AQP9: variants seen among roughly 807,000 people sequenced by gnomAD.
AQP9 encodes the protein aquaporin 9.
AQP9 carries 19 observed loss-of-function variants against 23.8 expected under a neutral mutation model. The observed-to-expected ratio is 0.80, with a 90% CI of 0.56 to 1.17. The LOEUF (loss-of-function observed/expected upper bound fraction) is 1.17. Ranked by LOEUF, AQP9 falls within the 50% of genes most tolerant of loss-of-function variation. AQP9 has a pLI of 0.00. For missense variants in AQP9, 413 were observed against 362.0 expected, an observed-to-expected ratio of 1.14 and a Z score of -1.14; for synonymous variants, 153 against 131.5, an observed-to-expected ratio of 1.16 and a Z score of -1.12.
chr15:58,172,819 A>G (rs1453571296), intron 2 of AQP9, among the ~76,000 whole-genome samples: 1 of 152,246 alleles, frequency 6.6e-6, no homozygotes, highest in South Asian at 2.1e-4. Flanking sequence ...TTCTTTTTAT[A>G]CCTGACTCTC....
At chr15:58,142,140 A>T (rs1897962186) in intron 1 of AQP9, among the ~76,000 whole-genome samples, 2 of 152,096 alleles carry the variant, frequency 1.3e-5, no homozygotes, top group Non-Finnish European at 1.5e-5. Flanking sequence ...TCGCCCTTGG[A>T]CTTCCACTGT....
intron 1 of AQP9, among the ~76,000 whole-genome samples, chr15:58,148,378 C>T (rs1477679673): frequency 6.6e-6 from 1 of 152,186 alleles, no homozygotes; most frequent in Non-Finnish European, 1.5e-5. Flanking sequence ...CTCTACTTAA[C>T]CACAAACCCC....
chr15:58,155,257 C>T (rs997780998), intron 1 of AQP9: 2 of 152,276 alleles, frequency 1.3e-5, no homozygotes, highest in Admixed American at 6.5e-5. Flanking sequence ...ACACATTGGC[C>T]AAAGCTTATA....
chr15:58,169,699 T>C (rs1898579641), intron 2 of AQP9, among the ~76,000 whole-genome samples: 1 of 152,216 alleles, frequency 6.6e-6, no homozygotes, highest in Non-Finnish European at 1.5e-5. Flanking sequence ...AACATCACCT[T>C]ATTGTAAAGA....
chr15:58,170,206 C>G (rs1258110991), intron 2 of AQP9, among the ~76,000 whole-genome samples: 1 of 152,104 alleles, frequency 6.6e-6, no homozygotes, highest in East Asian at 1.9e-4. Context: ...TTCTAGCAGC[C>G]ACTTGGCCTC....
Position 58,166,762 on chromosome 15 carries a change from A to T in AQP9, c.201A>T (p.Ala67=). ...CTATCAATGTTGGATTTTCAATGGC[A>T]GTTGCAATGGCCATTTATGTGGCTG... is the stretch of plus-strand genomic sequence containing the variant. ...VITINVGFSM[A]VAMAIYVAGG... Residue 67 remains alanine, a synonymous_variant, in exon 2 of 6, where the codon GCA becomes GCT. Transcript: ENST00000219919. 1 of 1,613,998 alleles carries T rather than the reference A, an allele frequency of 6.2e-7. No individual in the cohort carries two copies. The highest frequency in any genetic ancestry group is 8.5e-7 in the Non-Finnish European group (1 of 1,179,862).
At chr15:58,175,132 G>T in intron 4 of AQP9, 96 bp downstream of exon 4, 1 of 1,160,958 alleles carries the variant, frequency 8.6e-7, no homozygotes, top group Non-Finnish European at 1.3e-6. Flanking sequence ...AGAAAGGAGA[G>T]ATTATATTTC....
At chr15:58,159,832 G>T (rs1898337349) in intron 1 of AQP9, among the ~76,000 whole-genome samples, 1 of 152,084 alleles carries the variant, frequency 6.6e-6, no homozygotes, top group Non-Finnish European at 1.5e-5. Context: ...ACAAATGACA[G>T]GATTTCATTC....
Position 58,183,978 on chromosome 15 carries a change from G to A in AQP9, c.731G>A (p.Trp244Ter). 6.2e-7 allele frequency: 1 copy of A among 1,613,964 alleles called. No individual in the cohort carries two copies. The highest frequency in any genetic ancestry group is 8.5e-7 in the Non-Finnish European group (1 of 1,179,952). The change falls in exon 6 of 6, where the codon TGG becomes TAG. Residue 244 changes from tryptophan (W) to a stop codon, truncating the protein, a stop_gained. Transcript: ENST00000219919. LOFTEE classifies it low-confidence loss of function (END_TRUNC). ...FEVFRAGNNFWWIPVVGPLVG... is the reference protein window; with the variant it reads ...FEVFRAGNNF ...GATTTCAGAGCTGGAAACAACTTCT[G>A]GTGGATTCCTGTAGTGGGCCCTTTG...
chr15:58,140,451 A>G (rs1234606108), intron 1 of AQP9, among the ~76,000 whole-genome samples: 1 of 152,216 alleles, frequency 6.6e-6, no homozygotes, highest in Non-Finnish European at 1.5e-5. Flanking sequence ...TTTAATTTCC[A>G]TTTATACTAT....
chr15:58,141,095 G>A (rs1256497493), intron 1 of AQP9, among the ~76,000 whole-genome samples: 1 of 152,172 alleles, frequency 6.6e-6, no homozygotes, highest in East Asian at 1.9e-4. Context: ...GGGATACGTA[G>A]GCCTTTCACC....
Position 58,171,174 on chromosome 15 carries a change from G to T in AQP9, c.239-1894G>T, listed in dbSNP as rs970770312. ...ACCATCTCGGCTCACTGCAACCTCC[G>T]CCTCCTGGGTTCAAGCAATTAGCCT... On this transcript the variant is annotated intron_variant, in intron 2 of 5. Coordinates refer to ENST00000219919, the MANE Select transcript of AQP9 (RefSeq NM_020980.5). 1.3e-4 allele frequency among the ~76,000 whole-genome samples: 19 copies of T among 150,978 alleles called. 1 individual carries two copies. The South Asian group carries it at 3.1e-3, about 25-fold the overall frequency.
chr15:58,184,358 C>A lies in AQP9; in HGVS notation c.*223C>A. 2.1e-6 allele frequency: 1 copy of A among 482,114 alleles called. No individual in the cohort carries two copies. The highest frequency in any genetic ancestry group is 3.6e-6 in the Non-Finnish European group (1 of 274,504). 29.9% of individuals were successfully genotyped at this position (482,114 alleles called of 1,614,324 possible). A position where few individuals can be genotyped will look rare whatever the true frequency, so the allele number is the denominator to read the frequency against. The stretch of plus-strand genomic sequence containing the variant: ...CACCCCCCAGAATAACGCTGACTGT[C>A]CCCTGAAACAGCCTTCTCTCCTGCC... On this transcript the variant is annotated 3_prime_UTR_variant, in exon 6 of 6. Transcript: ENST00000219919.
chr15:58,140,561 G>A (rs987638795), intron 1 of AQP9, among the ~76,000 whole-genome samples: 3 of 152,124 alleles, frequency 2.0e-5, no homozygotes, highest in Admixed American at 1.3e-4. Flanking sequence ...AAAAGTTCCT[G>A]CACAAACACA....
At chr15:58,154,858 AG>A (rs1898217705) in intron 1 of AQP9, 1 of 152,476 alleles carries the variant, frequency 6.6e-6, no homozygotes, top group Non-Finnish European at 1.5e-5. Flanking sequence ...TATAACTAAA[AG>A]AATACTTAAT....
intron 1 of AQP9, among the ~76,000 whole-genome samples, chr15:58,165,561 C>A (rs544564138): frequency 6.7e-4 from 102 of 152,246 alleles, no homozygotes; most frequent in African/African-American, 2.4e-3. Context: ...CTACAATTGG[C>A]AGCACGTTTT....
chr15:58,184,809 A>C lies in AQP9; in HGVS notation c.*674A>C, dbSNP rs1201608407. The C allele has an allele frequency of 6.6e-6, 1 of 152,234 alleles. No individual in the cohort carries two copies. Among genetic ancestry groups the C allele is most frequent in the Non-Finnish European group, 1.5e-5 (1 of 68,040 alleles). 9.4% of individuals were successfully genotyped at this position (152,234 alleles called of 1,614,324 possible). A position where few individuals can be genotyped will look rare whatever the true frequency, so the allele number is the denominator to read the frequency against. On this transcript the variant is annotated 3_prime_UTR_variant, in exon 6 of 6. Transcript: ENST00000219919. ...TTTAATGGAAACCATTTATCAGATT[A>C]ATCTCTTGCTCTCCTGCATTTTAGA... is the stretch of plus-strand genomic sequence containing the variant.
intron 5 of AQP9, 148 bp from the exon 6 acceptor site, chr15:58,183,813 G>A (rs1273869643): frequency 1.3e-6 from 1 of 770,062 alleles, no homozygotes; most frequent in Non-Finnish European, 2.1e-6. Flanking sequence ...CAGTTGCCAT[G>A]CTGCACTGAG....
intron 1 of AQP9, among the ~76,000 whole-genome samples, chr15:58,161,990 C>G (rs1320826325): frequency 4.6e-5 from 7 of 152,098 alleles, no homozygotes; most frequent in African/African-American, 1.7e-4. Context: ...AAAAAAAGTT[C>G]AACATATTAT....
Sources: gnomAD v4.1 joint callset for allele counts (sites outside exome capture counted in the v4.1 genomes callset) on GRCh38, gnomAD v4.1.1 for gene constraint, MANE v1.5 for transcripts, NCBI Gene and HGNC (gene_info 2026-07-23, HGNC 2026-07-21) for gene names.